Variants in LRRC18 observed in about 807,000 individuals in gnomAD.
LRRC18 encodes the protein leucine rich repeat containing 18.
A neutral mutation model predicts 11.2 loss-of-function variants in LRRC18; 12 were observed. That is an observed-to-expected ratio of 1.07 (90% confidence interval 0.69 to 1.74). The LOEUF is 1.74. Ranked by LOEUF, LRRC18 falls within the 40% of genes most tolerant of loss-of-function variation. The probability of loss-of-function intolerance (pLI) is 0.00; values close to 1 mark genes in which losing one functional copy is unlikely to be tolerated. For missense variants in LRRC18, 374 were observed against 330.5 expected (o/e 1.13, Z -1.02); for synonymous variants, 155 against 130.6 (o/e 1.19, Z -1.27).
the LRRC18 span, among the ~76,000 whole-genome samples, chr10:48,928,353 C>CGTGTGGGT: frequency 8.0e-6 from 1 of 124,960 alleles, no homozygotes; most frequent in East Asian, 2.6e-4. Flanking sequence ...TTGGTTTTGA[C>CGTGTGGGT]GTGTGTGTGT....
At chr10:48,926,466 G>A in the LRRC18 span, among the ~76,000 whole-genome samples, 46 of 152,262 alleles carry the variant, frequency 3.0e-4, no homozygotes, top group African/African-American at 1.1e-3. Flanking sequence ...GCCAGCCAAC[G>A]CAACAGATTG....
At chr10:48,938,715 TG>T in the LRRC18 span, among the ~76,000 whole-genome samples, 2 of 152,126 alleles carry the variant, frequency 1.3e-5, no homozygotes, top group African/African-American at 4.8e-5. Flanking sequence ...GAAGCTCGTC[TG>T]GGGGGGTAAA....
upstream of LRRC18, among the ~76,000 whole-genome samples, chr10:48,916,638 A>C (rs1442503489): frequency 1.3e-5 from 2 of 152,216 alleles, no homozygotes; most frequent in African/African-American, 4.8e-5. Flanking sequence ...GGGGGAGAAG[A>C]GATGCTCCTG....
upstream of LRRC18, among the ~76,000 whole-genome samples, chr10:48,914,988 G>A (rs1443193042): frequency 6.6e-6 from 1 of 152,178 alleles, no homozygotes; most frequent in African/African-American, 2.4e-5. Flanking sequence ...AAATGGCCGT[G>A]ACTGCCTCAG....
At chr10:48,925,370 A>G in the LRRC18 span, among the ~76,000 whole-genome samples, 5 of 152,130 alleles carry the variant, frequency 3.3e-5, no homozygotes, top group East Asian at 9.6e-4. Context: ...CTGTGTATGT[A>G]ATGGGTGTGT....
At chr10:48,919,267 G>A in the LRRC18 span, among the ~76,000 whole-genome samples, 1 of 151,826 alleles carries the variant, frequency 6.6e-6, no homozygotes, top group African/African-American at 2.4e-5. Context: ...GATAATAAGA[G>A]AACAGTACAA....
exon 1 of LRRC18, chr10:48,913,740 G>A (rs11101561): frequency 0.038 from 61,287 of 1,613,302 alleles, 4,864 homozygotes; most frequent in African/African-American, 0.33. Context: ...GGCCCCCAGT[G>A]TGGTGGGCAC....
chr10:48,923,399 A>G, the LRRC18 span, among the ~76,000 whole-genome samples: 5 of 151,454 alleles, frequency 3.3e-5, no homozygotes, highest in Non-Finnish European at 5.9e-5. Flanking sequence ...ATGTTTATCA[A>G]TGGCTTCTCC....
the LRRC18 span, among the ~76,000 whole-genome samples, chr10:48,922,483 A>C: frequency 6.6e-6 from 1 of 152,258 alleles, no homozygotes; most frequent in Non-Finnish European, 1.5e-5. Flanking sequence ...TACAGCAAGA[A>C]TGAATCTTCT....
the LRRC18 span, among the ~76,000 whole-genome samples, chr10:48,922,979 T>C: frequency 1.3e-5 from 2 of 152,322 alleles, no homozygotes; most frequent in South Asian, 2.1e-4. Flanking sequence ...TACATGAATC[T>C]GTACATCTGT....
At chr10:48,931,511 T>G in the LRRC18 span, among the ~76,000 whole-genome samples, 1 of 152,210 alleles carries the variant, frequency 6.6e-6, no homozygotes, top group East Asian at 1.9e-4. Context: ...GCCCGTATTA[T>G]GGTGCAATAT....
upstream of LRRC18, among the ~76,000 whole-genome samples, chr10:48,918,295 G>C (rs1372264609): frequency 3.9e-5 from 6 of 152,080 alleles, no homozygotes; most frequent in African/African-American, 1.2e-4. Flanking sequence ...TATCAGGATA[G>C]ATTACAAAAG....
chr10:48,939,588 TGATG>T, the LRRC18 span, among the ~76,000 whole-genome samples: 1 of 152,210 alleles, frequency 6.6e-6, no homozygotes, highest in Non-Finnish European at 1.5e-5. Flanking sequence ...TACATGATAA[TGATG>T]GATGATGGAT....
chr10:48,936,971 G>A, the LRRC18 span, among the ~76,000 whole-genome samples: 1 of 151,708 alleles, frequency 6.6e-6, no homozygotes, highest in Admixed American at 6.6e-5. Context: ...CCAGGCTGGA[G>A]TGCAGTGGCA....
chr10:48,914,111 G>A (rs1287496073), exon 1 of LRRC18: 2 of 1,614,168 alleles, frequency 1.2e-6, no homozygotes, highest in African/African-American at 1.3e-5. Flanking sequence ...TGGCCACCTT[G>A]AGGGTGATCT....
At chr10:48,932,616 G>T in the LRRC18 span, 1 of 150,652 alleles carries the variant, frequency 6.6e-6, no homozygotes, top group South Asian at 2.1e-4. Flanking sequence ...TGTGTTTCTC[G>T]TGAAGCTACC....
At chr10:48,913,707 C>T in exon 1 of LRRC18, 2 of 1,612,486 alleles carry the variant, frequency 1.2e-6, no homozygotes, top group East Asian at 2.2e-5. Flanking sequence ...GTCATGGAGC[C>T]CTACCTCGTG....
exon 1 of LRRC18, chr10:48,914,038 T>C: frequency 6.2e-7 from 1 of 1,614,196 alleles, no homozygotes; most frequent in East Asian, 2.2e-5. Flanking sequence ...GGGAAGGTGG[T>C]AATTCCCATC....
At chr10:48,932,056 C>A in the LRRC18 span, among the ~76,000 whole-genome samples, 1 of 152,194 alleles carries the variant, frequency 6.6e-6, no homozygotes, top group Non-Finnish European at 1.5e-5. Context: ...CCCTTCATTG[C>A]CAACCCAGGT....
Sources: gnomAD v4.1 joint callset for allele counts (sites outside exome capture counted in the v4.1 genomes callset) on GRCh38, gnomAD v4.1.1 for gene constraint, MANE v1.5 for transcripts, NCBI Gene and HGNC (gene_info 2026-07-23, HGNC 2026-07-21) for gene names.